KAZN: variants seen among roughly 807,000 people sequenced by gnomAD.
KAZN encodes kazrin.
In KAZN, 40 loss-of-function variants were observed where a neutral mutation model predicts 87.4. The ratio of observed to expected loss-of-function variants is 0.46; its 90% CI spans 0.36 to 0.60. KAZN has a LOEUF of 0.60. Ranked by LOEUF, KAZN falls within the 20% of genes least tolerant of loss-of-function variation. The probability of loss-of-function intolerance (pLI) is 0.00; values close to 1 mark genes in which losing one functional copy is unlikely to be tolerated. For synonymous variants in KAZN, 466 were observed against 458.3 expected (o/e 1.02, Z -0.22); for missense variants, 898 against 1,073.9 (o/e 0.84, Z 2.29).
rs1660314149 is a variant in KAZN, at chr1:14,369,738, A to T, written c.249+189146A>T. Among the ~76,000 whole-genome samples the T allele has an allele frequency of 1.3e-5, 2 of 152,212 alleles. 1 individual carries two copies. Among genetic ancestry groups the T allele is most frequent in the South Asian group, 4.1e-4 (2 of 4,826 alleles). ...TAAACCTGACCACAGCCCTTGTGCC[A>T]GTTATGCAAAGTAAGCCCAACGTCC... On this transcript the variant is annotated intron_variant, in intron 2 of 16. Coordinates refer to the KAZN transcript ENST00000636203.
intron 1 of KAZN, among the ~76,000 whole-genome samples, chr1:13,957,023 T>C (rs1240231928): frequency 3.3e-5 from 5 of 152,178 alleles, no homozygotes. Flanking sequence ...GTCTTCTTTA[T>C]GAGATGATCT....
chr1:15,056,548 C>T lies in KAZN; in HGVS notation c.916+268C>T, dbSNP rs894994588. 2.0e-5 allele frequency among the ~76,000 whole-genome samples: 3 copies of T among 152,178 alleles called. No homozygotes were observed. Among genetic ancestry groups the T allele is most frequent in the African/African-American group, 7.2e-5 (3 of 41,450 alleles). ...CCTTTTGGCCTCATCTTCAGGCTGT[C>T]TCTTTCAGCAAGAAAGTAAAATAGT... On this transcript the variant is annotated intron_variant, in intron 5 of 14. Coordinates refer to ENST00000376030, the MANE Select transcript of KAZN (RefSeq NM_201628.3). This position sits in a 1 kb window ranked among gnomAD's most constrained non-coding sequence, Gnocchi z 5.4.
chr1:14,037,409 G>A (rs572846251), intron 1 of KAZN, among the ~76,000 whole-genome samples: 27 of 152,238 alleles, frequency 1.8e-4, no homozygotes, highest in African/African-American at 6.0e-4. Context: ...TGATGCTTTC[G>A]TATAAAGCGG....
intron 1 of KAZN, among the ~76,000 whole-genome samples, chr1:14,052,197 A>G (rs1570621225): frequency 1.3e-5 from 2 of 152,062 alleles, no homozygotes; most frequent in South Asian, 2.1e-4. Context: ...AGTCCCCCCA[A>G]CCCAGCCAGG....
At chr1:14,149,187 C>T (rs563847904) in intron 1 of KAZN, among the ~76,000 whole-genome samples, 122 of 146,142 alleles carry the variant, frequency 8.3e-4, no homozygotes, top group Middle Eastern at 3.7e-3. Flanking sequence ...TTGCAACCTC[C>T]GCCTCCTGGG....
chr1:14,400,612 G>A (rs963589248), intron 2 of KAZN, among the ~76,000 whole-genome samples: 9 of 152,196 alleles, frequency 5.9e-5, no homozygotes, highest in African/African-American at 1.9e-4. Flanking sequence ...GACTGCAACA[G>A]GTGCTGTAAT....
intron 2 of KAZN, among the ~76,000 whole-genome samples, chr1:14,978,427 G>A (rs916350171): frequency 2.6e-5 from 4 of 152,184 alleles, no homozygotes; most frequent in Admixed American, 1.3e-4. Context: ...GAGGAGGGTC[G>A]ACATGTGGTC....
At chr1:14,481,243 AG>A (rs1368982325) in intron 2 of KAZN, among the ~76,000 whole-genome samples, 1 of 152,174 alleles carries the variant, frequency 6.6e-6, no homozygotes, top group Non-Finnish European at 1.5e-5. Flanking sequence ...TCTACAAAGT[AG>A]GATTGATAAA....
At chr1:14,471,645 C>G (rs971183125) in intron 2 of KAZN, among the ~76,000 whole-genome samples, 1 of 152,220 alleles carries the variant, frequency 6.6e-6, no homozygotes, top group African/African-American at 2.4e-5. Context: ...TGACCTGCCC[C>G]TGCCCTCAAG....
chr1:15,027,752 C>G (rs28439850), intron 2 of KAZN, among the ~76,000 whole-genome samples: 4,157 of 152,240 alleles, frequency 0.027, 219 homozygotes, highest in African/African-American at 0.095. Flanking sequence ...GCATGTTTGT[C>G]CAGGGTACAC....
intron 1 of KAZN, among the ~76,000 whole-genome samples, chr1:14,122,994 G>A (rs1248940528): frequency 1.3e-5 from 2 of 152,208 alleles, no homozygotes; most frequent in African/African-American, 4.8e-5. Flanking sequence ...TAGCAAAGCG[G>A]AGGAATGGGT....
In KAZN at chr1:14,528,337, CAAAAAA is replaced by C. The variant is rs33960231; in HGVS notation, c.250-70627_250-70622del. Among the ~76,000 whole-genome samples, 168 of 49,362 alleles carry C rather than the reference CAAAAAA, an allele frequency of 3.4e-3. No individual in the cohort carries two copies. In the South Asian group the frequency reaches 0.061, roughly 18 times the overall value. 32.4% of individuals were successfully genotyped at this position (49,362 alleles called of 152,430 possible). ...TGGGTGACAGAGCAAGACTCCATCT[CAAAAAA>C]AAAAAAAAAAAAAAAAAAGAAAGAA... is the stretch of plus-strand genomic sequence containing the variant. On this transcript the variant is annotated intron_variant, in intron 2 of 16. Coordinates refer to the KAZN transcript ENST00000636203.
chr1:14,459,013 T>C (rs181596676), intron 2 of KAZN, among the ~76,000 whole-genome samples: 1 of 152,168 alleles, frequency 6.6e-6, no homozygotes, highest in Non-Finnish European at 1.5e-5. Context: ...GTTTCCTTTT[T>C]GTTTGTCAAA....
intron 2 of KAZN, among the ~76,000 whole-genome samples, chr1:14,417,095 GGT>G (rs1441136478): frequency 1.3e-5 from 2 of 151,650 alleles, no homozygotes; most frequent in Non-Finnish European, 2.9e-5. Context: ...AGGAGGCTGA[GGT>G]GGGAGAATAG....
chr1:13,952,768 A>G (rs1027794258), intron 1 of KAZN, among the ~76,000 whole-genome samples: 8 of 152,310 alleles, frequency 5.3e-5, no homozygotes, highest in Admixed American at 2.6e-4. Context: ...TTGCAAGGCC[A>G]CTGGCCAGCC....
At chr1:14,402,081 GTC>G (rs1289731804) in intron 2 of KAZN, among the ~76,000 whole-genome samples, 7 of 46,620 alleles carry the variant, frequency 1.5e-4, no homozygotes, top group Non-Finnish European at 2.4e-4. Flanking sequence ...AAAGTTATGA[GTC>G]TATGTAAAAA....
chr1:14,936,661 C>T (rs1233143872), intron 1 of KAZN, among the ~76,000 whole-genome samples: 2 of 152,192 alleles, frequency 1.3e-5, no homozygotes, highest in Non-Finnish European at 2.9e-5. Flanking sequence ...ACTTACCAGG[C>T]CCCCACTGGG....
intron 1 of KAZN, among the ~76,000 whole-genome samples, chr1:14,848,528 C>T (rs890275759): frequency 2.6e-5 from 4 of 152,170 alleles, no homozygotes; most frequent in East Asian, 1.9e-4. Flanking sequence ...AACTCCTTGT[C>T]GAGGAAAGCA....
chr1:14,823,836 C>T (rs993145679), intron 1 of KAZN, among the ~76,000 whole-genome samples: 1 of 152,046 alleles, frequency 6.6e-6, no homozygotes, highest in Admixed American at 6.6e-5. Flanking sequence ...TGAGTGGGCC[C>T]GGCGTGGTGG....
Sources: gnomAD v4.1 joint callset for allele counts (sites outside exome capture counted in the v4.1 genomes callset) on GRCh38, gnomAD v4.1.1 for gene constraint, Gnocchi (gnomAD v3.1) non-coding constraint, MANE v1.5 for transcripts, NCBI Gene and HGNC (gene_info 2026-07-23, HGNC 2026-07-21) for gene names.